Variants in ARFIP1 observed in about 807,000 individuals in gnomAD.
The protein encoded by ARFIP1 is arfaptin-1.
Under a neutral mutation model 42.5 loss-of-function variants are expected in ARFIP1, and 24 were observed. That is an observed-to-expected ratio of 0.57 (90% CI 0.41 to 0.80). The LOEUF is 0.80. ARFIP1 is among the 30% of genes least tolerant of loss of function. The pLI, the probability that ARFIP1 is intolerant of heterozygous loss-of-function variation, is 0.00. For missense variants in ARFIP1, 354 were observed against 434.0 expected (o/e 0.82, Z 1.64); for synonymous variants, 141 against 153.7 (o/e 0.92, Z 0.61).
intron 8 of ARFIP1, among the ~76,000 whole-genome samples, chr4:152,896,927 GAGT>G (rs1737387881): frequency 2.0e-5 from 3 of 152,160 alleles, no homozygotes; most frequent in African/African-American, 7.2e-5. Context: ...CTTAGAATGT[GAGT>G]TCTGTTGCAA....
chr4:152,803,912 A>G (rs1578829875), intron 1 of ARFIP1, among the ~76,000 whole-genome samples: 3 of 149,022 alleles, frequency 2.0e-5, no homozygotes, highest in African/African-American at 5.0e-5. Flanking sequence ...CAAGTTGTCA[A>G]CATCAAGAAA....
At chr4:152,897,983 C>CT (rs766083303) in intron 8 of ARFIP1, among the ~76,000 whole-genome samples, 48,263 of 121,460 alleles carry the variant, frequency 0.4, 10,509 homozygotes, top group Admixed American at 0.48. Context: ...TTGCAATGTT[C>CT]TTTTTTTTTT....
In ARFIP1 at chr4:152,888,061, G is replaced by C. The variant is rs1736409760; in HGVS notation, c.792-72G>C. ...TGTATAGTATGAGACTGAATATTAC[G>C]TATTTCCAACCCATTTTTTGAACAT... On this transcript the variant is annotated intron_variant, in intron 7 of 8. Coordinates refer to ENST00000353617, the MANE Select transcript of ARFIP1 (RefSeq NM_001025595.3). The C allele has an allele frequency of 4.1e-6, 5 of 1,231,526 alleles. No individual in the cohort carries two copies. The East Asian group carries it at 1.2e-4, about 30-fold the overall frequency. 76.3% of individuals were successfully genotyped at this position (1,231,526 alleles called of 1,614,324 possible). A position where few individuals can be genotyped will look rare whatever the true frequency, so the allele number is the denominator to read the frequency against.
intron 1 of ARFIP1, among the ~76,000 whole-genome samples, chr4:152,807,963 A>G (rs138250555): frequency 6.6e-6 from 1 of 152,060 alleles, no homozygotes; most frequent in African/African-American, 2.4e-5. Flanking sequence ...TTTGCTGAAC[A>G]TTATGTCTGT....
chr4:152,870,958 A>G, intron 4 of ARFIP1, 110 bp downstream of exon 4: 2 of 817,916 alleles, frequency 2.4e-6, no homozygotes, highest in Non-Finnish European at 1.8e-6. Flanking sequence ...TGTGATTCTG[A>G]CTTTTTTGGT....
intron 5 of ARFIP1, among the ~76,000 whole-genome samples, chr4:152,876,073 G>A (rs1336195234): frequency 2.0e-5 from 3 of 152,006 alleles, no homozygotes; most frequent in Non-Finnish European, 4.4e-5. Context: ...CCCAGTCTCG[G>A]GTCTGTCTTT....
chr4:152,861,508 C>G (rs1437514857), intron 2 of ARFIP1, among the ~76,000 whole-genome samples: 1 of 152,160 alleles, frequency 6.6e-6, no homozygotes, highest in African/African-American at 2.4e-5. Context: ...AGAAAAACAT[C>G]AAGTACATTT....
In ARFIP1 at chr4:152,910,391, T is replaced by TG; in HGVS notation, c.*174dup. 1.4e-6 allele frequency: 1 copy of TG among 696,988 alleles called. No individual in the cohort carries two copies. The highest frequency in any genetic ancestry group is 2.5e-5 in the South Asian group (1 of 39,708). The allele number at this position is 696,988 out of a possible 1,614,324, so 43.2% of individuals were successfully genotyped here. A position where few individuals can be genotyped will look rare whatever the true frequency, so the allele number is the denominator to read the frequency against. ...ACTTTAACAATTGAACTGTTAAGGGTGGTTTTAATGTAAACATAGTTTCTA... is the reference window on the plus strand; with the variant it reads ...ACTTTAACAATTGAACTGTTAAGGGTGGGTTTTAATGTAAACATAGTTTCTA... On this transcript the variant is annotated 3_prime_UTR_variant, in exon 9 of 9. Coordinates refer to ENST00000353617, the MANE Select transcript of ARFIP1 (RefSeq NM_001025595.3).
chr4:152,846,606 G>A lies in ARFIP1; in HGVS notation c.93+16880G>A, dbSNP rs577607118. Among the ~76,000 whole-genome samples, 385 of 127,070 alleles carry A rather than the reference G, an allele frequency of 3.0e-3. 3 individuals are homozygous for A. The highest frequency in any genetic ancestry group is 1.2e-3 in the Admixed American group (14 of 11,206). The allele number at this position is 127,070 out of a possible 152,430, so 83.4% of individuals were successfully genotyped here. A position where few individuals can be genotyped will look rare whatever the true frequency, so the allele number is the denominator to read the frequency against. On this transcript the variant is annotated intron_variant, in intron 2 of 8. Transcript: ENST00000353617. ...TTTCTGAGGAATAAATAGGAAAATT[G>A]CATTTAACTCCAAATTCATTTTTCT...
At chr4:152,837,776 T>C (rs987731036) in intron 2 of ARFIP1, among the ~76,000 whole-genome samples, 1 of 152,200 alleles carries the variant, frequency 6.6e-6, no homozygotes, top group Non-Finnish European at 1.5e-5. Flanking sequence ...AGCTCTTTAG[T>C]TTAATTAGGT....
chr4:152,905,828 C>T (rs1579054205), intron 8 of ARFIP1, among the ~76,000 whole-genome samples: 1 of 152,140 alleles, frequency 6.6e-6, no homozygotes, highest in African/African-American at 2.4e-5. Context: ...TCTGGGATTA[C>T]AGGCATGGGC....
chr4:152,813,212 T>C (rs1163202268), intron 1 of ARFIP1, among the ~76,000 whole-genome samples: 1 of 150,674 alleles, frequency 6.6e-6, no homozygotes, highest in Non-Finnish European at 1.5e-5. Flanking sequence ...ATTTAAAGTG[T>C]ACAGGAGGAT....
intron 8 of ARFIP1, among the ~76,000 whole-genome samples, chr4:152,891,202 G>C (rs1412080810): frequency 6.6e-6 from 1 of 152,210 alleles, no homozygotes; most frequent in African/African-American, 2.4e-5. Flanking sequence ...TTCAGCATTT[G>C]AATTTGGCAG....
Position 152,889,786 on chromosome 4 carries a change from T to C in ARFIP1, c.966+1479T>C, listed in dbSNP as rs62651522. Among the ~76,000 whole-genome samples the C allele has an allele frequency of 3.3e-4, 20 of 61,532 alleles. 1 individual carries two copies. The highest frequency in any genetic ancestry group is 1.9e-3 in the African/African-American group (17 of 8,822). The allele number at this position is 61,532 out of a possible 152,430, so 40.4% of individuals were successfully genotyped here. A position where few individuals can be genotyped will look rare whatever the true frequency, so the allele number is the denominator to read the frequency against. ...ACTATACTATATACTATATATACTATATATTATATACTATACTATATACTA... is the reference window on the plus strand; with the variant it reads ...ACTATACTATATACTATATATACTACATATTATATACTATACTATATACTA... On this transcript the variant is annotated intron_variant, in intron 8 of 8. Transcript: ENST00000353617.
Position 152,829,723 on chromosome 4 carries a change from T to C in ARFIP1, c.90T>C (p.Asn30=), listed in dbSNP as rs376458448. 142 of 1,601,318 alleles carry C rather than the reference T, an allele frequency of 8.9e-5. No homozygotes were observed. Among genetic ancestry groups the C allele is most frequent in the Non-Finnish European group, 1.1e-4 (134 of 1,172,680 alleles). ...ATGACTCTCGTGAACATAGCTTTAA[T>C]AGGGTAAGAACACTTTTCTTTCTCT... ...EVDDSREHSF[N]RDLKHSLPSG... The change falls in exon 2 of 9, where the codon AAT becomes AAC. Residue 30 remains asparagine (N), a synonymous_variant. Coordinates refer to ENST00000353617, the MANE Select transcript of ARFIP1 (RefSeq NM_001025595.3).
At chr4:152,845,644 T>G (rs951461592) in intron 2 of ARFIP1, among the ~76,000 whole-genome samples, 10 of 152,074 alleles carry the variant, frequency 6.6e-5, no homozygotes, top group African/African-American at 2.4e-4. Flanking sequence ...AAAACCACAA[T>G]GAGATGCCAT....
chr4:152,841,063 G>A (rs1167627827), intron 2 of ARFIP1, among the ~76,000 whole-genome samples: 1 of 149,574 alleles, frequency 6.7e-6, no homozygotes, highest in Non-Finnish European at 1.5e-5. Flanking sequence ...ATGGAGTCTC[G>A]CCTCGCTCTG....
At position 152,911,046 on chromosome 4, in the gene ARFIP1, A is replaced by G. The variant is rs1415351171; in HGVS notation, c.*827A>G. The G allele has an allele frequency of 6.6e-6, 1 of 152,614 alleles. No homozygotes were observed. The highest frequency in any genetic ancestry group is 1.5e-5 in the Non-Finnish European group (1 of 68,032). The allele number at this position is 152,614 out of a possible 1,614,324, so 9.5% of individuals were successfully genotyped here. ...GAAAACTAGTTTTTGGGTCAGTTCC[A>G]TTTTGATAGAAGTGAATACATAGAC... On this transcript the variant is annotated 3_prime_UTR_variant, in exon 9 of 9. Coordinates refer to ENST00000353617, the MANE Select transcript of ARFIP1 (RefSeq NM_001025595.3).
chr4:152,855,162 G>T (rs537154568), intron 2 of ARFIP1, among the ~76,000 whole-genome samples: 1 of 152,196 alleles, frequency 6.6e-6, no homozygotes, highest in Non-Finnish European at 1.5e-5. Flanking sequence ...AGCTGAGGTG[G>T]TAGCAGCTGA....
Sources: gnomAD v4.1 joint callset for allele counts (sites outside exome capture counted in the v4.1 genomes callset) on GRCh38, gnomAD v4.1.1 for gene constraint, MANE v1.5 for transcripts, NCBI Gene and HGNC (gene_info 2026-07-23, HGNC 2026-07-21) for gene names.